MYO18B: variants seen among roughly 807,000 people sequenced by gnomAD.
MYO18B encodes the protein myosin XVIIIB, also known as unconventional myosin-XVIIIb.
Under a neutral mutation model 273.0 loss-of-function variants are expected in MYO18B, and 204 were observed. The observed-to-expected ratio is 0.75, with a 90% CI of 0.67 to 0.84. The LOEUF (loss-of-function observed/expected upper bound fraction) is 0.84, where lower values mean the gene tolerates loss of function less well. Ranked by LOEUF, MYO18B falls within the 40% of genes least tolerant of loss-of-function variation. The pLI is 0.00. For missense variants in MYO18B, 3,212 were observed against 3,287.6 expected, an observed-to-expected ratio of 0.98 and a Z score of 0.56; for synonymous variants, 1,330 against 1,305.7, an observed-to-expected ratio of 1.02 and a Z score of -0.40.
chr22:25,933,118 G>A (rs2092530452), intron 34 of MYO18B, among the ~76,000 whole-genome samples: 1 of 151,986 alleles, frequency 6.6e-6, no homozygotes, highest in Non-Finnish European at 1.5e-5. Context: ...GAGAGTTCAG[G>A]CCAGTTGCAT....
At chr22:25,770,794 C>G in intron 5 of MYO18B, 78 bp from the exon 6 acceptor site, 1 of 1,036,718 alleles carries the variant, frequency 9.6e-7, no homozygotes, top group Non-Finnish European at 1.5e-6. Context: ...CCTCTCTTAT[C>G]TCCTGCCCTC....
intron 22 of MYO18B, 129 bp downstream of exon 22, chr22:25,868,514 T>A (rs952701897): frequency 5.4e-5 from 41 of 756,376 alleles, no homozygotes; most frequent in Non-Finnish European, 2.3e-5. Flanking sequence ...AAGGTAGAGC[T>A]AATGATTTTC....
At chr22:25,745,151 C>A in intron 1 of MYO18B, among the ~76,000 whole-genome samples, 1 of 152,156 alleles carries the variant, frequency 6.6e-6, no homozygotes, top group Non-Finnish European at 1.5e-5. Context: ...GCTCTATCAC[C>A]CAGGCTGGTG....
intron 39 of MYO18B, among the ~76,000 whole-genome samples, chr22:25,974,304 A>C (rs1381604046): frequency 1.3e-5 from 2 of 152,208 alleles, no homozygotes; most frequent in African/African-American, 4.8e-5. Context: ...ATCTTGAATC[A>C]TTTGACACGC....
intron 21 of MYO18B, among the ~76,000 whole-genome samples, chr22:25,865,926 C>A (rs2090872646): frequency 6.6e-6 from 1 of 151,694 alleles, no homozygotes. Flanking sequence ...TCATTTCTAC[C>A]ACCTACAGCT....
chr22:25,847,000 A>G (rs1162715049), intron 19 of MYO18B, among the ~76,000 whole-genome samples: 9 of 151,966 alleles, frequency 5.9e-5, no homozygotes, highest in Non-Finnish European at 1.0e-4. Context: ...GAATTGCTTG[A>G]ACCTGGGAGG....
chr22:25,990,470 G>A (rs2093253113), intron 39 of MYO18B, among the ~76,000 whole-genome samples: 1 of 152,028 alleles, frequency 6.6e-6, no homozygotes, highest in African/African-American at 2.4e-5. Flanking sequence ...TGAATCACTT[G>A]AGGTCAGGAA....
At chr22:26,043,902 A>C in the MYO18B span, among the ~76,000 whole-genome samples, 1 of 152,022 alleles carries the variant, frequency 6.6e-6, no homozygotes, top group Non-Finnish European at 1.5e-5. Context: ...TGAGGGTTAC[A>C]TGCACACGCC....
At chr22:26,042,823 A>T in the MYO18B span, among the ~76,000 whole-genome samples, 20 of 152,258 alleles carry the variant, frequency 1.3e-4, no homozygotes, top group Non-Finnish European at 1.5e-4. Context: ...CAGGAGCAAG[A>T]GAAAACAGGG....
chr22:25,781,558 C>T (rs566997837), intron 9 of MYO18B, among the ~76,000 whole-genome samples, 176 bp from the exon 10 acceptor site: 1 of 142,660 alleles, frequency 7.0e-6, no homozygotes. Context: ...TGCAGTGAGC[C>T]GAGATCACGC....
chr22:25,978,082 G>T (rs561261918), intron 39 of MYO18B, among the ~76,000 whole-genome samples: 4 of 152,310 alleles, frequency 2.6e-5, no homozygotes, highest in Admixed American at 2.0e-4. Flanking sequence ...CGAGGTATTT[G>T]GGATATAAGG....
intron 14 of MYO18B, among the ~76,000 whole-genome samples, chr22:25,826,707 T>G (rs1228501156): frequency 6.6e-6 from 1 of 152,206 alleles, no homozygotes; most frequent in Non-Finnish European, 1.5e-5. Context: ...TTTCCTCGTC[T>G]GTACAATAGC....
At chr22:25,958,469 A>T (rs2092879857) in intron 39 of MYO18B, among the ~76,000 whole-genome samples, 1 of 152,182 alleles carries the variant, frequency 6.6e-6, no homozygotes, top group African/African-American at 2.4e-5. Context: ...GCTCTCAAAT[A>T]TTTCCTTTGC....
intron 39 of MYO18B, among the ~76,000 whole-genome samples, chr22:25,959,993 C>T (rs570444559): frequency 2.6e-5 from 4 of 152,246 alleles, no homozygotes; most frequent in South Asian, 2.1e-4. Flanking sequence ...CCTTTCCGCC[C>T]GTCCCCAACC....
At chr22:26,043,580 G>A in the MYO18B span, among the ~76,000 whole-genome samples, 3 of 147,294 alleles carry the variant, frequency 2.0e-5, no homozygotes, top group East Asian at 4.0e-4. Flanking sequence ...GTGCGATCTC[G>A]GCTCACTGCA....
intron 29 of MYO18B, among the ~76,000 whole-genome samples, chr22:25,901,711 A>G (rs568844361): frequency 1.3e-5 from 2 of 151,672 alleles, no homozygotes; most frequent in Admixed American, 6.6e-5. Flanking sequence ...TCGTTTGTTC[A>G]TTGGTCAGGA....
intron 17 of MYO18B, among the ~76,000 whole-genome samples, chr22:25,836,137 G>A (rs1028162935): frequency 1.3e-5 from 2 of 152,230 alleles, no homozygotes; most frequent in Non-Finnish European, 1.5e-5. Flanking sequence ...GGAGCAAGAG[G>A]GGAGATGAAG....
chr22:25,948,493 T>C lies in MYO18B; in HGVS notation c.5748+665T>C, dbSNP rs1178063833. On this transcript the variant is annotated intron_variant, in intron 36 of 43. Transcript: ENST00000335473. The stretch of plus-strand genomic sequence containing the variant: ...TTCTTTCTTTCTTTCTTTCTCTTTC[T>C]TTCTTTCCTCTCTTTTCTCTTTCCT... Among the ~76,000 whole-genome samples the C allele has an allele frequency of 8.5e-4, 107 of 125,526 alleles. 1 individual carries two copies. Among genetic ancestry groups the C allele is most frequent in the African/African-American group, 2.6e-3 (96 of 36,304 alleles). 82.3% of individuals were successfully genotyped at this position (125,526 alleles called of 152,430 possible). A position where few individuals can be genotyped will look rare whatever the true frequency, so the allele number is the denominator to read the frequency against.
intron 9 of MYO18B, 45 bp downstream of exon 9, chr22:25,780,243 G>A: frequency 6.4e-7 from 1 of 1,569,536 alleles, no homozygotes. Context: ...TGGGGCTGCT[G>A]TGTCTCTAAC....
Sources: gnomAD v4.1 joint callset for allele counts (sites outside exome capture counted in the v4.1 genomes callset) on GRCh38, gnomAD v4.1.1 for gene constraint, MANE v1.5 for transcripts, NCBI Gene and HGNC (gene_info 2026-07-23, HGNC 2026-07-21) for gene names.